The following SLC24A3 variants were observed in gnomAD, a reference collection of about 807,000 sequenced individuals.
The protein encoded by SLC24A3 is solute carrier family 24 member 3.
In SLC24A3, 28 loss-of-function variants were observed where a neutral mutation model predicts 75.8. The ratio of observed to expected loss-of-function variants is 0.37; its 90% CI spans 0.27 to 0.51. SLC24A3 has a LOEUF of 0.51. Ranked by LOEUF, SLC24A3 falls within the 20% of genes least tolerant of loss-of-function variation. The pLI is 0.94. For missense variants in SLC24A3, 663 were observed against 847.8 expected (o/e 0.78, Z 2.71); for synonymous variants, 372 against 334.1 (o/e 1.11, Z -1.24).
chr20:19,378,229 C>T (rs1986120261), intron 2 of SLC24A3, among the ~76,000 whole-genome samples: 1 of 151,754 alleles, frequency 6.6e-6, no homozygotes, highest in South Asian at 2.1e-4. Context: ...GTTCACTGGG[C>T]ATGCGTGCTG....
chr20:19,266,830 T>C (rs973015314), intron 1 of SLC24A3, among the ~76,000 whole-genome samples: 3 of 152,182 alleles, frequency 2.0e-5, no homozygotes, highest in Admixed American at 6.5e-5. Context: ...GGAAAGTATA[T>C]TTTTTAAGAA....
intron 6 of SLC24A3, among the ~76,000 whole-genome samples, chr20:19,592,343 A>G (rs1211802790): frequency 1.3e-5 from 2 of 152,200 alleles, no homozygotes; most frequent in Non-Finnish European, 2.9e-5. Context: ...TCTCTAAATC[A>G]TCACACTCGA....
chr20:19,452,213 G>T (rs1320688716), intron 2 of SLC24A3, among the ~76,000 whole-genome samples: 1 of 152,200 alleles, frequency 6.6e-6, no homozygotes, highest in Non-Finnish European at 1.5e-5. Flanking sequence ...ACTTTTTAAA[G>T]AACAGGGCTA....
At chr20:19,489,956 G>A (rs1988184669) in intron 2 of SLC24A3, among the ~76,000 whole-genome samples, 1 of 152,144 alleles carries the variant, frequency 6.6e-6, no homozygotes, top group Non-Finnish European at 1.5e-5. Context: ...CTCTGGGTAG[G>A]AGGAAGTAGA....
chr20:19,629,065 A>C (rs1600310088), intron 6 of SLC24A3, among the ~76,000 whole-genome samples: 1 of 152,322 alleles, frequency 6.6e-6, no homozygotes, highest in East Asian at 1.9e-4. Context: ...AAAGAAATAA[A>C]GATTTATGAA....
At chr20:19,406,768 C>T (rs575692328) in intron 2 of SLC24A3, among the ~76,000 whole-genome samples, 5 of 152,290 alleles carry the variant, frequency 3.3e-5, no homozygotes, top group Non-Finnish European at 5.9e-5. Context: ...AGCACCCCAA[C>T]TAGAATGAGA....
intron 13 of SLC24A3, 55 bp downstream of exon 13, chr20:19,693,480 G>A: frequency 6.3e-7 from 1 of 1,585,548 alleles, no homozygotes; most frequent in Non-Finnish European, 8.6e-7. Context: ...GAATAAAGAA[G>A]GGAATAAGAG....
intron 2 of SLC24A3, among the ~76,000 whole-genome samples, chr20:19,345,910 C>G (rs59940903): frequency 1.3e-5 from 2 of 151,208 alleles, no homozygotes; most frequent in African/African-American, 4.9e-5. Flanking sequence ...GTAGATTTAT[C>G]GTTTGATCCA....
chr20:19,332,859 C>G (rs113857673), intron 2 of SLC24A3, among the ~76,000 whole-genome samples: 190 of 152,316 alleles, frequency 1.2e-3, no homozygotes, highest in African/African-American at 4.2e-3. Flanking sequence ...CCTGTGCTAC[C>G]AGCCACCCTC....
intron 1 of SLC24A3, among the ~76,000 whole-genome samples, chr20:19,218,460 A>C: frequency 6.6e-6 from 1 of 152,220 alleles, no homozygotes; most frequent in Non-Finnish European, 1.5e-5. Flanking sequence ...GAGGACATGA[A>C]TAGAAGACGG....
At position 19,299,059 on chromosome 20, in the gene SLC24A3, C is replaced by T. The variant is rs6112299; in HGVS notation, c.271+17972C>T. Among the ~76,000 whole-genome samples the T allele has an allele frequency of 7.9e-3, 1,198 of 152,226 alleles. 12 individuals are homozygous for T. Among genetic ancestry groups the T allele is most frequent in the African/African-American group, 0.027 (1,140 of 41,534 alleles). Reference sequence around the variant, plus strand: ...CCATTGTGGGTGAGGGGAAAAAAGCCGGCACTGCCAGTCATTGCTAAGTTC... The same window carrying T: ...CCATTGTGGGTGAGGGGAAAAAAGCTGGCACTGCCAGTCATTGCTAAGTTC... On this transcript the variant is annotated intron_variant, in intron 2 of 16. Transcript: ENST00000328041.
intron 9 of SLC24A3, among the ~76,000 whole-genome samples, chr20:19,675,004 C>T (rs1174634125): frequency 1.3e-5 from 2 of 152,080 alleles, no homozygotes; most frequent in Admixed American, 6.6e-5. Context: ...GAGCTGAGAT[C>T]GCGCCACCAC....
intron 2 of SLC24A3, among the ~76,000 whole-genome samples, chr20:19,461,415 G>A (rs6046106): frequency 0.2 from 10,264 of 50,212 alleles, 1,136 homozygotes; most frequent in African/African-American, 0.35. Context: ...ATACATGTAC[G>A]CACATATACA....
chr20:19,506,274 G>A (rs955445702), intron 2 of SLC24A3, among the ~76,000 whole-genome samples: 2 of 152,172 alleles, frequency 1.3e-5, no homozygotes, highest in African/African-American at 4.8e-5. Context: ...ATACCATTTT[G>A]ATTGATAGTT....
chr20:19,569,680 C>T (rs1262866318), intron 3 of SLC24A3, among the ~76,000 whole-genome samples: 1 of 151,926 alleles, frequency 6.6e-6, no homozygotes, highest in Non-Finnish European at 1.5e-5. Flanking sequence ...TTTTTTGCTC[C>T]CTCCTGGCTC....
At chr20:19,665,777 C>T (rs1568690312) in intron 7 of SLC24A3, 87 bp from the exon 8 acceptor site, 5 of 1,446,034 alleles carry the variant, frequency 3.5e-6, no homozygotes, top group Middle Eastern at 1.9e-4. Flanking sequence ...GTGGATACTG[C>T]GTGCAGCCTT....
At chr20:19,247,738 T>C (rs1982537437) in intron 1 of SLC24A3, among the ~76,000 whole-genome samples, 1 of 152,246 alleles carries the variant, frequency 6.6e-6, no homozygotes, top group South Asian at 2.1e-4. Context: ...ATATTTTTGA[T>C]ATATTGGGTT....
chr20:19,551,002 C>T (rs547471844), intron 3 of SLC24A3, among the ~76,000 whole-genome samples: 4 of 152,336 alleles, frequency 2.6e-5, no homozygotes, highest in East Asian at 1.9e-4. Flanking sequence ...GCATCTTTAG[C>T]GTGCTGTTTG....
At position 19,279,209 on chromosome 20, in the gene SLC24A3, G is replaced by A. The variant is rs1347485412; in HGVS notation, c.143-1750G>A. 4.6e-5 allele frequency among the ~76,000 whole-genome samples: 7 copies of A among 152,366 alleles called. 1 individual carries two copies. The South Asian group carries it at 1.0e-3, about 23-fold the overall frequency. ...CTCTTCAGTGACCACTTCAGACACC[G>A]TGTTGGTGTGGCTGGGTGCACCATG... On this transcript the variant is annotated intron_variant, in intron 1 of 16. Transcript: ENST00000328041.
Sources: gnomAD v4.1 joint callset for allele counts (sites outside exome capture counted in the v4.1 genomes callset) on GRCh38, gnomAD v4.1.1 for gene constraint, MANE v1.5 for transcripts, NCBI Gene and HGNC (gene_info 2026-07-23, HGNC 2026-07-21) for gene names.